The following PDE8B variants were observed in gnomAD, a reference collection of about 807,000 sequenced individuals.
The protein encoded by PDE8B is high affinity cAMP-specific and IBMX-insensitive 3',5'-cyclic phosphodiesterase 8B.
In PDE8B, 26 loss-of-function variants were observed where a neutral mutation model predicts 101.3. The ratio of observed to expected loss-of-function variants is 0.26; its 90% CI spans 0.19 to 0.36. The LOEUF (loss-of-function observed/expected upper bound fraction) is 0.36, where lower values mean the gene tolerates loss of function less well. Ranked by LOEUF, PDE8B falls within the 10% of genes least tolerant of loss-of-function variation. The pLI is 1.00. For synonymous variants in PDE8B, 424 were observed against 429.3 expected (o/e 0.99, Z 0.15); for missense variants, 810 against 1,163.1 (o/e 0.70, Z 4.42).
intron 10 of PDE8B, among the ~76,000 whole-genome samples, chr5:77,354,309 G>T (rs1781692094): frequency 6.6e-6 from 1 of 152,130 alleles, no homozygotes; most frequent in Non-Finnish European, 1.5e-5. Flanking sequence ...TATCAAAGGG[G>T]TCCACGTCCA....
chr5:77,097,715 A>ATCTATC, the PDE8B span, among the ~76,000 whole-genome samples: 1 of 39,658 alleles, frequency 2.5e-5, no homozygotes, highest in African/African-American at 4.7e-5. Flanking sequence ...ATCTATATAT[A>ATCTATC]TATATATATA....
intron 1 of PDE8B, among the ~76,000 whole-genome samples, chr5:77,228,595 A>G (rs1752921984): frequency 6.6e-6 from 1 of 152,082 alleles, no homozygotes; most frequent in Non-Finnish European, 1.5e-5. Flanking sequence ...GACTAACATG[A>G]GCAAACATTG....
intron 1 of PDE8B, among the ~76,000 whole-genome samples, chr5:77,236,741 A>AGGAAG (rs1283235106): frequency 1.3e-5 from 2 of 152,198 alleles, no homozygotes; most frequent in Non-Finnish European, 2.9e-5. Flanking sequence ...TTTTCCACAA[A>AGGAAG]GGAAGGGAAA....
Position 77,325,735 on chromosome 5 carries a change from T to G in PDE8B, c.590+6T>G, listed in dbSNP as rs111884331. The G allele has an allele frequency of 6.3e-7, 1 of 1,585,422 alleles. No individual in the cohort carries two copies. The highest frequency in any genetic ancestry group is 8.7e-7 in the Non-Finnish European group (1 of 1,154,162). On this transcript the variant is annotated splice_donor_region_variant and intron_variant, in intron 3 of 21. Coordinates refer to ENST00000264917, the MANE Select transcript of PDE8B (RefSeq NM_003719.5). Reference sequence around the variant, plus strand: ...GATGCAGAAGCAGTGTGCAGGTACCTTCTCTAATTTAATATGCTTAGTAAA... The same window carrying G: ...GATGCAGAAGCAGTGTGCAGGTACCGTCTCTAATTTAATATGCTTAGTAAA...
Position 77,211,024 on chromosome 5 carries a change from G to T in PDE8B, c.99G>T (p.Ser33=), listed in dbSNP as rs1748190390. The T allele has an allele frequency of 6.5e-7, 1 of 1,544,142 alleles. No individual in the cohort carries two copies. The highest frequency in any genetic ancestry group is 8.7e-7 in the Non-Finnish European group (1 of 1,155,374). The part of the protein sequence containing the change: ...SSSPRQTTSV[S]QGPAAPLPGL... Reference sequence around the variant, plus strand: ...CGCCCCGCCAGACCACCAGCGTGTCGCAGGGCCCGGCGGCACCCCTGCCCG... The same window carrying T: ...CGCCCCGCCAGACCACCAGCGTGTCTCAGGGCCCGGCGGCACCCCTGCCCG... Residue 33 remains serine, a synonymous_variant, in exon 1 of 22, where the codon TCG becomes TCT. Transcript: ENST00000264917. The surrounding 1 kb of genome is among the most constrained non-coding windows in gnomAD (Gnocchi z 4.1).
chr5:77,291,239 G>T, intron 1 of PDE8B: 1 of 1,611,932 alleles, frequency 6.2e-7, no homozygotes, highest in Non-Finnish European at 8.5e-7. Flanking sequence ...GACTTAAAAA[G>T]GCCTACGCAC....
At chr5:77,181,360 G>A in the PDE8B span, among the ~76,000 whole-genome samples, 2 of 152,172 alleles carry the variant, frequency 1.3e-5, no homozygotes, top group Admixed American at 6.5e-5. Context: ...CTGCCACTCT[G>A]AACTTGGGGG....
At chr5:77,159,172 G>A in the PDE8B span, among the ~76,000 whole-genome samples, 1 of 152,180 alleles carries the variant, frequency 6.6e-6, no homozygotes. Context: ...CCTGGCCATA[G>A]CGATTGAGCC....
intron 5 of PDE8B, among the ~76,000 whole-genome samples, chr5:77,336,360 G>C (rs1042821493): frequency 1.3e-5 from 2 of 152,106 alleles, no homozygotes; most frequent in African/African-American, 4.8e-5. Context: ...ATTCCCAAAT[G>C]TGTTCCCATT....
At chr5:77,403,669 AAG>A (rs1369872154) in intron 11 of PDE8B, among the ~76,000 whole-genome samples, 6 of 152,130 alleles carry the variant, frequency 3.9e-5, no homozygotes, top group African/African-American at 1.4e-4. Context: ...AAATTAGGAA[AAG>A]AGATAGTATA....
In PDE8B at chr5:77,210,810, G is replaced by A. The variant is rs989627806; in HGVS notation, c.-116G>A. On this transcript the variant is annotated 5_prime_UTR_variant, in exon 1 of 22. Coordinates refer to ENST00000264917, the MANE Select transcript of PDE8B (RefSeq NM_003719.5). The surrounding 1 kb of genome is among the most constrained non-coding windows in gnomAD (Gnocchi z 4.9). ...GACGGAGCGGCGGACACACAGGCCG[G>A]GGGGCGCGCAGTCCGGGCGCCGCCG... 128 of 985,136 alleles carry A rather than the reference G, an allele frequency of 1.3e-4. No individual in the cohort carries two copies. The African/African-American group carries it at 2.1e-3, about 16-fold the overall frequency. 61.0% of individuals were successfully genotyped at this position (985,136 alleles called of 1,614,324 possible).
At chr5:77,102,901 TG>T in the PDE8B span, among the ~76,000 whole-genome samples, 1 of 152,242 alleles carries the variant, frequency 6.6e-6, no homozygotes, top group Non-Finnish European at 1.5e-5. Flanking sequence ...CTCACCTGCG[TG>T]GCCAAGATGC....
chr5:77,126,025 G>A, the PDE8B span, among the ~76,000 whole-genome samples: 1 of 152,092 alleles, frequency 6.6e-6, no homozygotes, highest in African/African-American at 2.4e-5. Context: ...AGTGGCTCAC[G>A]CCTGTAATCC....
intron 1 of PDE8B, among the ~76,000 whole-genome samples, chr5:77,215,726 G>T (rs764717609): frequency 6.6e-6 from 1 of 152,206 alleles, no homozygotes; most frequent in Non-Finnish European, 1.5e-5. Flanking sequence ...CTGGTCATGG[G>T]TAAAGGCCAG....
intron 10 of PDE8B, among the ~76,000 whole-genome samples, chr5:77,370,462 A>G (rs1417465839): frequency 6.6e-6 from 1 of 152,118 alleles, no homozygotes; most frequent in Non-Finnish European, 1.5e-5. Flanking sequence ...TGTTTTTGAG[A>G]TGTATTTATG....
At chr5:77,153,387 G>T in the PDE8B span, among the ~76,000 whole-genome samples, 1 of 152,188 alleles carries the variant, frequency 6.6e-6, no homozygotes, top group African/African-American at 2.4e-5. Context: ...TTTGTGCAAT[G>T]AATGAATGTC....
At chr5:77,093,043 AG>A in the PDE8B span, among the ~76,000 whole-genome samples, 1 of 152,198 alleles carries the variant, frequency 6.6e-6, no homozygotes, top group Non-Finnish European at 1.5e-5. Flanking sequence ...TTTGATCTGT[AG>A]GTTTCTTTCT....
chr5:77,418,120 C>T (rs886755074), intron 17 of PDE8B, 109 bp from the exon 18 acceptor site: 12 of 767,292 alleles, frequency 1.6e-5, no homozygotes, highest in East Asian at 1.0e-4. Context: ...TGGCTAAAAA[C>T]GTTCTGAAAA....
rs901914291 is a variant in PDE8B at position 77,400,897 on chromosome 5, G to A, written c.1210+607G>A. Among the ~76,000 whole-genome samples the A allele has an allele frequency of 3.3e-5, 5 of 152,288 alleles. No individual in the cohort carries two copies. The East Asian group carries it at 9.7e-4, about 29-fold the overall frequency. On this transcript the variant is annotated intron_variant, in intron 11 of 21. Transcript: ENST00000264917. ...GGAAAAAAAATCAGTCTGCTACCAA[G>A]AAGTTAAGATTTTTGTGCCTGCAAG...
Sources: gnomAD v4.1 joint callset for allele counts (sites outside exome capture counted in the v4.1 genomes callset) on GRCh38, gnomAD v4.1.1 for gene constraint, Gnocchi (gnomAD v3.1) non-coding constraint, MANE v1.5 for transcripts, NCBI Gene and HGNC (gene_info 2026-07-23, HGNC 2026-07-21) for gene names.